Variants in WWOX observed in about 807,000 individuals in gnomAD.
The protein encoded by WWOX is WW domain-containing oxidoreductase.
A neutral mutation model predicts 46.2 loss-of-function variants in WWOX; 69 were observed. The observed-to-expected ratio is 1.49, with a 90% CI of 1.23 to 1.82. The LOEUF is 1.82. Among genes scored for constraint, WWOX ranks in the 40% most tolerant of loss-of-function variants. The pLI is 0.00. For synonymous variants in WWOX, 359 were observed against 202.6 expected, an observed-to-expected ratio of 1.77 and a Z score of -6.56; for missense variants, 919 against 542.6, an observed-to-expected ratio of 1.69 and a Z score of -6.89.
rs1038441372 is a variant in WWOX, at chr16:79,042,760, C to T, written c.1057-168848C>T. ...TTTTTTTTTCTTCTAACTTGTCCTCCTTGATCAGGATTTCTCAAATGCACA... is the reference window on the plus strand; with the variant it reads ...TTTTTTTTTCTTCTAACTTGTCCTCTTTGATCAGGATTTCTCAAATGCACA... On this transcript the variant is annotated intron_variant, in intron 8 of 8. Transcript: ENST00000566780. Among the ~76,000 whole-genome samples, 3 of 145,846 alleles carry T rather than the reference C, an allele frequency of 2.1e-5. No homozygotes were observed. In the Admixed American group the frequency reaches 2.1e-4, roughly 10 times the overall value.
intron 8 of WWOX, among the ~76,000 whole-genome samples, chr16:78,938,980 G>A (rs2045797898): frequency 6.6e-6 from 1 of 152,168 alleles, no homozygotes; most frequent in Admixed American, 6.5e-5. Context: ...GTAATGACAT[G>A]GTTTAGATTG....
intron 8 of WWOX, among the ~76,000 whole-genome samples, chr16:78,536,367 C>A (rs1157926803): frequency 6.6e-6 from 1 of 151,824 alleles, no homozygotes; most frequent in Admixed American, 6.6e-5. Context: ...GAGAAAGAAG[C>A]TGCGAGCTGT....
intron 8 of WWOX, among the ~76,000 whole-genome samples, chr16:79,022,400 G>C (rs924822899): frequency 1.4e-5 from 2 of 147,532 alleles, no homozygotes; most frequent in African/African-American, 2.5e-5. Flanking sequence ...TGGCTTATCT[G>C]TTATTTCTTG....
At chr16:78,859,025 AAAATATATATATATATATATATATGTAT>A (rs2052646707) in intron 8 of WWOX, among the ~76,000 whole-genome samples, 6 of 31,478 alleles carry the variant, frequency 1.9e-4, no homozygotes, top group African/African-American at 6.0e-4. Context: ...AAAAAAAAAA[AAAATATATATATATATATATATATGTAT>A]ATATATATAT....
chr16:78,384,714 A>T (rs1021544839), intron 5 of WWOX, among the ~76,000 whole-genome samples: 2 of 152,106 alleles, frequency 1.3e-5, no homozygotes, highest in Non-Finnish European at 2.9e-5. Context: ...AAATCTGCAC[A>T]CTTTGGCATC....
At chr16:78,753,828 ATAT>A (rs1567537517) in intron 8 of WWOX, among the ~76,000 whole-genome samples, 56 of 63,540 alleles carry the variant, frequency 8.8e-4, no homozygotes, top group African/African-American at 4.5e-3. Context: ...AAAAAAAAAT[ATAT>A]ATATATATAT....
intron 8 of WWOX, among the ~76,000 whole-genome samples, chr16:78,576,466 C>G (rs1012171230): frequency 6.6e-6 from 1 of 152,198 alleles, no homozygotes; most frequent in Non-Finnish European, 1.5e-5. Flanking sequence ...CTTCATTCTT[C>G]ATGAGGCTGA....
At chr16:78,788,095 G>A (rs1464919137) in intron 8 of WWOX, among the ~76,000 whole-genome samples, 2 of 152,054 alleles carry the variant, frequency 1.3e-5, no homozygotes, top group African/African-American at 2.4e-5. Flanking sequence ...TCTATGGGTA[G>A]GCTTTTTTAC....
rs188881302 is a variant in WWOX at position 78,655,976 on chromosome 16, C to T, written c.1056+223224C>T. ...AGCCTGGGGAGAAGCCTTGGTTTTGCCAGGGGGAAAAAAAGAGAAACACAA... is the reference window on the plus strand; with the variant it reads ...AGCCTGGGGAGAAGCCTTGGTTTTGTCAGGGGGAAAAAAAGAGAAACACAA... On this transcript the variant is annotated intron_variant, in intron 8 of 8. Coordinates refer to ENST00000566780, the MANE Select transcript of WWOX (RefSeq NM_016373.4). 7.9e-5 allele frequency among the ~76,000 whole-genome samples: 12 copies of T among 151,928 alleles called. No individual in the cohort carries two copies. In the East Asian group the frequency reaches 1.7e-3, roughly 22 times the overall value.
At chr16:78,655,768 T>C (rs145190987) in intron 8 of WWOX, among the ~76,000 whole-genome samples, 2,042 of 152,314 alleles carry the variant, frequency 0.013, 27 homozygotes, top group African/African-American at 0.03. Flanking sequence ...TGAACAATTA[T>C]CACCAAATGA....
At chr16:78,564,821 A>T (rs1225270847) in intron 8 of WWOX, among the ~76,000 whole-genome samples, 1 of 151,992 alleles carries the variant, frequency 6.6e-6, no homozygotes, top group Non-Finnish European at 1.5e-5. Flanking sequence ...CTATTTACGG[A>T]TCATCAGTTT....
At chr16:78,637,987 T>C (rs1332451305) in intron 8 of WWOX, among the ~76,000 whole-genome samples, 1 of 152,184 alleles carries the variant, frequency 6.6e-6, no homozygotes, top group African/African-American at 2.4e-5. Context: ...CACTTTCAAC[T>C]TGCTCACCTG....
At chr16:78,567,599 C>G (rs188441739) in intron 8 of WWOX, among the ~76,000 whole-genome samples, 1 of 139,084 alleles carries the variant, frequency 7.2e-6, no homozygotes, top group South Asian at 2.4e-4. Context: ...TTTGTGTATT[C>G]TGAAAGGTTC....
At chr16:78,171,346 T>G (rs2035154671) in intron 5 of WWOX, among the ~76,000 whole-genome samples, 1 of 152,194 alleles carries the variant, frequency 6.6e-6, no homozygotes, top group African/African-American at 2.4e-5. Context: ...TTCAGTGACT[T>G]TATGAGCTGG....
chr16:78,861,288 C>A (rs190419716), intron 8 of WWOX, among the ~76,000 whole-genome samples: 1 of 152,226 alleles, frequency 6.6e-6, no homozygotes, highest in African/African-American at 2.4e-5. Context: ...AGTCTTCTCC[C>A]AGTCCATGCA....
At position 78,424,931 on chromosome 16, in the gene WWOX, G is replaced by A. The variant is rs768734917; in HGVS notation, c.667G>A (p.Asp223Asn). The change falls in exon 7 of 9, where the codon GAT becomes AAT. Residue 223 changes from aspartate (D) to asparagine (N), a missense_variant. Transcript: ENST00000566780. The part of the protein sequence containing the change: ...TFALPWSLTK[D>N]GLETTFQVNH... ...TGCTCTACCCTGGAGTCTCACCAAA[G>A]ATGGCCTGGAGACCACCTTTCAAGT... 3.1e-6 allele frequency: 5 copies of A among 1,614,056 alleles called. No homozygotes were observed. In the Admixed American group the frequency reaches 8.3e-5, roughly 27 times the overall value.
At chr16:78,796,342 A>G (rs531731540) in intron 8 of WWOX, among the ~76,000 whole-genome samples, 30 of 152,358 alleles carry the variant, frequency 2.0e-4, no homozygotes, top group Admixed American at 3.9e-4. Context: ...AAGTCCAGAC[A>G]TCTGACAGGG....
chr16:78,946,334 G>A (rs1456630692), intron 8 of WWOX, among the ~76,000 whole-genome samples: 1 of 151,896 alleles, frequency 6.6e-6, no homozygotes, highest in Admixed American at 6.6e-5. Flanking sequence ...GGATTACAGG[G>A]ATGCGCCACC....
At chr16:78,760,217 T>G (rs1387812986) in intron 8 of WWOX, among the ~76,000 whole-genome samples, 3 of 152,120 alleles carry the variant, frequency 2.0e-5, no homozygotes, top group Non-Finnish European at 4.4e-5. Flanking sequence ...TTTCCCGTTA[T>G]AAAAACATTA....
Sources: gnomAD v4.1 joint callset for allele counts (sites outside exome capture counted in the v4.1 genomes callset) on GRCh38, gnomAD v4.1.1 for gene constraint, MANE v1.5 for transcripts, NCBI Gene and HGNC (gene_info 2026-07-23, HGNC 2026-07-21) for gene names.